The following PPM1L variants were observed in gnomAD, a reference collection of about 807,000 sequenced individuals.
PPM1L encodes protein phosphatase 1L.
In PPM1L, 13 loss-of-function variants were observed where a neutral mutation model predicts 31.4. That is an observed-to-expected ratio of 0.41 (90% CI 0.27 to 0.66). The LOEUF is 0.66. Among genes scored for constraint, PPM1L ranks in the 30% least tolerant of loss-of-function variants. The pLI is 0.29. For synonymous variants in PPM1L, 184 were observed against 175.4 expected, an observed-to-expected ratio of 1.05 and a Z score of -0.39; for missense variants, 326 against 453.7, an observed-to-expected ratio of 0.72 and a Z score of 2.56.
intron 2 of PPM1L, among the ~76,000 whole-genome samples, chr3:161,042,759 G>A (rs1229506802): frequency 2.6e-5 from 4 of 152,214 alleles, no homozygotes; most frequent in Middle Eastern, 3.4e-3. Flanking sequence ...CGTGGCTCAC[G>A]CCTGTAATCC....
At chr3:160,972,668 A>G (rs934836339) in intron 2 of PPM1L, among the ~76,000 whole-genome samples, 12 of 152,186 alleles carry the variant, frequency 7.9e-5, no homozygotes, top group Non-Finnish European at 1.5e-4. Flanking sequence ...ATACATGTGC[A>G]TGTGTCTTTA....
intron 1 of PPM1L, among the ~76,000 whole-genome samples, chr3:160,773,684 TTTC>T (rs1711502898): frequency 6.6e-6 from 1 of 152,234 alleles, no homozygotes; most frequent in Admixed American, 6.5e-5. Flanking sequence ...CAGTGTCTGC[TTTC>T]TTCCTACTTA....
chr3:160,871,637 T>C (rs1408100583), intron 1 of PPM1L, among the ~76,000 whole-genome samples: 2 of 152,236 alleles, frequency 1.3e-5, no homozygotes, highest in Non-Finnish European at 1.5e-5. Context: ...TAAACTGATA[T>C]GGAATGGTTA....
chr3:160,775,299 GT>G (rs1711538458), intron 1 of PPM1L, among the ~76,000 whole-genome samples: 1 of 152,196 alleles, frequency 6.6e-6, no homozygotes. Context: ...AATAGGCCTG[GT>G]TTGTTAAGGC....
rs138870289 is a variant in PPM1L at position 160,824,615 on chromosome 3, A to G, written c.399+67908A>G. ...GGCCCTTGGGCATGAGGGGTGCCAT[A>G]TGAGAGAATACGGATGGATCACCAT... On this transcript the variant is annotated intron_variant, in intron 1 of 3. Transcript: ENST00000498165. Among the ~76,000 whole-genome samples, 1,191 of 152,276 alleles carry G rather than the reference A, an allele frequency of 7.8e-3. 14 individuals carry two copies. Among genetic ancestry groups the G allele is most frequent in the Middle Eastern group, 0.044 (13 of 294 alleles).
intron 2 of PPM1L, among the ~76,000 whole-genome samples, chr3:161,039,267 TGG>T (rs907859910): frequency 5.9e-5 from 9 of 152,326 alleles, no homozygotes; most frequent in African/African-American, 2.2e-4. Context: ...AACTCTCTTT[TGG>T]GGTCTGGACT....
intron 1 of PPM1L, among the ~76,000 whole-genome samples, chr3:160,914,704 C>T (rs181116925): frequency 6.6e-6 from 1 of 152,066 alleles, no homozygotes; most frequent in Non-Finnish European, 1.5e-5. Flanking sequence ...GGACATTTGG[C>T]TTGGTTCCAA....
At chr3:160,912,740 T>C (rs546849508) in intron 1 of PPM1L, among the ~76,000 whole-genome samples, 10 of 152,352 alleles carry the variant, frequency 6.6e-5, no homozygotes, top group South Asian at 4.1e-4. Context: ...TATGTACTAA[T>C]TTACTTGATG....
intron 1 of PPM1L, among the ~76,000 whole-genome samples, chr3:160,767,156 C>T (rs552316160): frequency 6.6e-6 from 1 of 152,180 alleles, no homozygotes; most frequent in South Asian, 2.1e-4. Context: ...AGACTTTTTA[C>T]CATACCATCC....
At chr3:160,870,317 G>A (rs1447507964) in intron 1 of PPM1L, among the ~76,000 whole-genome samples, 2 of 152,138 alleles carry the variant, frequency 1.3e-5, no homozygotes, top group African/African-American at 2.4e-5. Context: ...CCTCCAAAAT[G>A]CCCCAAGAGT....
chr3:160,917,723 A>T (rs942878189), intron 1 of PPM1L, among the ~76,000 whole-genome samples: 20 of 151,226 alleles, frequency 1.3e-4, no homozygotes, highest in Middle Eastern at 3.2e-3. Context: ...ATCATATTTT[A>T]AAAAAAACAT....
intron 1 of PPM1L, among the ~76,000 whole-genome samples, chr3:160,820,641 A>G (rs1247847603): frequency 6.6e-6 from 1 of 152,088 alleles, no homozygotes; most frequent in Non-Finnish European, 1.5e-5. Flanking sequence ...AAATGATATT[A>G]TACTGTATGT....
At chr3:160,812,548 G>GA (rs1425039365) in intron 1 of PPM1L, among the ~76,000 whole-genome samples, 2 of 152,176 alleles carry the variant, frequency 1.3e-5, no homozygotes, top group East Asian at 3.8e-4. Flanking sequence ...ACTGATCCTA[G>GA]AAAGGTCTCT....
chr3:160,989,994 TTTG>T (rs1366298766), intron 2 of PPM1L, among the ~76,000 whole-genome samples: 1 of 150,348 alleles, frequency 6.7e-6, no homozygotes, highest in East Asian at 2.0e-4. Flanking sequence ...TTTGTTTTGT[TTTG>T]TTTTGTTTTG....
In PPM1L at chr3:160,802,184, T is replaced by C. The variant is rs574889384; in HGVS notation, c.399+45477T>C. ...TCTTAGTCTTTTTGGTTTCACAGTG[T>C]TTCAGAAAGCTGTAGTTTTCTTTCA... On this transcript the variant is annotated intron_variant, in intron 1 of 3. Coordinates refer to ENST00000498165, the MANE Select transcript of PPM1L (RefSeq NM_139245.4). Among the ~76,000 whole-genome samples, 9 of 152,338 alleles carry C rather than the reference T, an allele frequency of 5.9e-5. No homozygotes were observed. The South Asian group carries it at 6.2e-4, about 11-fold the overall frequency.
intron 1 of PPM1L, among the ~76,000 whole-genome samples, chr3:160,817,009 G>A (rs1318671769): frequency 6.6e-6 from 1 of 152,044 alleles, no homozygotes; most frequent in Non-Finnish European, 1.5e-5. Context: ...GCATAAAGAA[G>A]AATGTGGAAA....
intron 3 of PPM1L, among the ~76,000 whole-genome samples, chr3:161,068,086 G>GA (rs200381341): frequency 0.011 from 1,612 of 152,162 alleles, 39 homozygotes; most frequent in African/African-American, 0.037. Flanking sequence ...TGTGGATGAA[G>GA]AAAAAAATAA....
rs373703258 is a variant in PPM1L at position 160,911,144 on chromosome 3, G to A, written c.400-50592G>A. Reference sequence around the variant, plus strand: ...GGATTTTCATTGGTATTTTCCTACCGCAGGTGTACTATTTTGATATTAATA... The same window carrying A: ...GGATTTTCATTGGTATTTTCCTACCACAGGTGTACTATTTTGATATTAATA... On this transcript the variant is annotated intron_variant, in intron 1 of 3. Coordinates refer to ENST00000498165, the MANE Select transcript of PPM1L (RefSeq NM_139245.4). 1.9e-3 allele frequency among the ~76,000 whole-genome samples: 283 copies of A among 152,264 alleles called. 1 individual carries two copies. The highest frequency in any genetic ancestry group is 6.3e-3 in the African/African-American group (263 of 41,542).
intron 1 of PPM1L, among the ~76,000 whole-genome samples, chr3:160,760,603 G>A (rs1053786091): frequency 7.9e-5 from 12 of 151,444 alleles, no homozygotes; most frequent in Admixed American, 4.6e-4. Context: ...AAAGGAGCTC[G>A]TTATATAAAT....
Sources: gnomAD v4.1 joint callset for allele counts (sites outside exome capture counted in the v4.1 genomes callset) on GRCh38, gnomAD v4.1.1 for gene constraint, MANE v1.5 for transcripts, NCBI Gene and HGNC (gene_info 2026-07-23, HGNC 2026-07-21) for gene names.